UNC13C: variants seen among roughly 807,000 people sequenced by gnomAD.
The protein encoded by UNC13C is unc-13 homolog C, also known as protein unc-13 homolog C.
In UNC13C, 174 loss-of-function variants were observed where a neutral mutation model predicts 245.4. The observed-to-expected ratio is 0.71, with a 90% confidence interval of 0.63 to 0.80. The LOEUF (loss-of-function observed/expected upper bound fraction) is 0.80. Ranked by LOEUF, UNC13C falls within the 30% of genes least tolerant of loss-of-function variation. UNC13C has a pLI of 0.00. For missense variants in UNC13C, 2,829 were observed against 2,602.9 expected, an observed-to-expected ratio of 1.09 and a Z score of -1.89; for synonymous variants, 992 against 895.1, an observed-to-expected ratio of 1.11 and a Z score of -1.93.
chr15:53,952,067 G>T, the UNC13C span, among the ~76,000 whole-genome samples: 1 of 152,152 alleles, frequency 6.6e-6, no homozygotes, highest in African/African-American at 2.4e-5. Context: ...GAGGGTTTGG[G>T]CAATGCTGAG....
intron 13 of UNC13C, among the ~76,000 whole-genome samples, chr15:54,314,072 CAA>C (rs11316411): frequency 0.077 from 10,673 of 137,800 alleles, 833 homozygotes; most frequent in African/African-American, 0.21. Context: ...TATGTGGCAT[CAA>C]AAAAAAAAAA....
chr15:54,603,844 C>G (rs1899600120), intron 30 of UNC13C, among the ~76,000 whole-genome samples: 1 of 152,108 alleles, frequency 6.6e-6, no homozygotes, highest in Admixed American at 6.6e-5. Flanking sequence ...GTCTGGGAGA[C>G]AGAGGGAGAC....
Position 54,298,205 on chromosome 15 carries a change from G to A in UNC13C, c.4104+279G>A, listed in dbSNP as rs1467899783. Among the ~76,000 whole-genome samples, 5 of 152,240 alleles carry A rather than the reference G, an allele frequency of 3.3e-5. No individual in the cohort carries two copies. In the South Asian group the frequency reaches 8.3e-4, roughly 25 times the overall value. On this transcript the variant is annotated intron_variant, in intron 12 of 32. Transcript: ENST00000260323. ...CATAAGTAGATACAAAAAAATTAAT[G>A]TTCTTCCAAAGAGGAAGAAGAGTGT...
intron 4 of UNC13C, among the ~76,000 whole-genome samples, chr15:54,181,236 G>C (rs952784724): frequency 4.6e-5 from 7 of 151,924 alleles, no homozygotes; most frequent in Non-Finnish European, 8.8e-5. Context: ...AGTTATGCAA[G>C]TATCATTATT....
intron 13 of UNC13C, among the ~76,000 whole-genome samples, chr15:54,304,263 C>T (rs955247537): frequency 6.6e-6 from 1 of 152,056 alleles, no homozygotes; most frequent in Non-Finnish European, 1.5e-5. Flanking sequence ...GCCATAGATT[C>T]ACTGGTCTAA....
intron 4 of UNC13C, among the ~76,000 whole-genome samples, chr15:54,193,625 C>T (rs1449368560): frequency 6.6e-6 from 1 of 152,128 alleles, no homozygotes; most frequent in Non-Finnish European, 1.5e-5. Context: ...TTCTGTTTTA[C>T]TCTTTTCAAA....
At chr15:54,336,513 A>C (rs557442824) in intron 16 of UNC13C, among the ~76,000 whole-genome samples, 172 of 151,726 alleles carry the variant, frequency 1.1e-3, no homozygotes, top group Admixed American at 1.4e-3. Flanking sequence ...AATTATGGAT[A>C]ATGCTCTTGG....
At chr15:53,943,539 ATTTTG>A in the UNC13C span, among the ~76,000 whole-genome samples, 4 of 152,118 alleles carry the variant, frequency 2.6e-5, no homozygotes, top group East Asian at 7.7e-4. Flanking sequence ...AAGAACTGAT[ATTTTG>A]TTGTCTGTGA....
At chr15:54,372,632 T>C (rs1045035414) in intron 17 of UNC13C, among the ~76,000 whole-genome samples, 2 of 152,246 alleles carry the variant, frequency 1.3e-5, no homozygotes, top group African/African-American at 4.8e-5. Flanking sequence ...AAATATGTTT[T>C]TCCATGTTAT....
chr15:54,227,494 A>ACCTGCAGCT (rs2035421921), intron 4 of UNC13C, among the ~76,000 whole-genome samples: 3 of 151,930 alleles, frequency 2.0e-5, no homozygotes, highest in Admixed American at 1.3e-4. Flanking sequence ...CACCTGCAGC[A>ACCTGCAGCT]CCCCCTCCCT....
chr15:54,160,799 G>A (rs1425002348), intron 4 of UNC13C, among the ~76,000 whole-genome samples: 1 of 151,910 alleles, frequency 6.6e-6, no homozygotes, highest in Admixed American at 6.6e-5. Context: ...TTTACATGTT[G>A]GTCATTAGTA....
chr15:54,541,457 T>G lies in UNC13C; in HGVS notation c.5697-5265T>G, dbSNP rs148831523. Among the ~76,000 whole-genome samples, 9 of 152,170 alleles carry G rather than the reference T, an allele frequency of 5.9e-5. 1 individual carries two copies. The East Asian group carries it at 1.7e-3, about 29-fold the overall frequency. On this transcript the variant is annotated intron_variant, in intron 26 of 32. Coordinates refer to ENST00000260323, the MANE Select transcript of UNC13C (RefSeq NM_001080534.3). ...TCTCTGTGAAACAGGTTTAATTCAC[T>G]TAGAGACTCAAAGAGGCCAGGGTCA...
rs76714140 is a variant in UNC13C at position 54,582,590 on chromosome 15, G to C, written c.6106+14643G>C. Among the ~76,000 whole-genome samples the C allele has an allele frequency of 8.0e-3, 1,213 of 152,220 alleles. 18 individuals are homozygous for C. Among genetic ancestry groups the C allele is most frequent in the African/African-American group, 0.028 (1,158 of 41,528 alleles). The stretch of plus-strand genomic sequence containing the variant: ...CAGAATGAGGGTGAAGATGAGGGCA[G>C]AGTAAATATCAATGATATTTAAACA... On this transcript the variant is annotated intron_variant, in intron 30 of 32. Coordinates refer to ENST00000260323, the MANE Select transcript of UNC13C (RefSeq NM_001080534.3).
At chr15:54,078,355 G>C (rs1283223142) in intron 2 of UNC13C, among the ~76,000 whole-genome samples, 1 of 152,132 alleles carries the variant, frequency 6.6e-6, no homozygotes, top group Non-Finnish European at 1.5e-5. Context: ...TAGATACCTA[G>C]CATTAGGATT....
chr15:54,206,256 A>G (rs2034704373), intron 4 of UNC13C, among the ~76,000 whole-genome samples: 1 of 152,052 alleles, frequency 6.6e-6, no homozygotes, highest in Non-Finnish European at 1.5e-5. Flanking sequence ...CTAGTCACTT[A>G]CAACCCATTA....
intron 2 of UNC13C, among the ~76,000 whole-genome samples, chr15:54,121,847 G>T (rs984860005): frequency 4.0e-5 from 6 of 151,554 alleles, no homozygotes; most frequent in Non-Finnish European, 7.4e-5. Flanking sequence ...CTCTGTAAAG[G>T]TATTGCACTG....
chr15:54,606,490 T>A (rs1161425604), intron 30 of UNC13C, among the ~76,000 whole-genome samples: 8 of 152,296 alleles, frequency 5.3e-5, no homozygotes, highest in African/African-American at 1.9e-4. Context: ...TTAGTTAGCC[T>A]TAATTTTTAA....
chr15:54,394,905 A>G (rs2040038886), intron 18 of UNC13C, among the ~76,000 whole-genome samples: 1 of 151,962 alleles, frequency 6.6e-6, no homozygotes, highest in Non-Finnish European at 1.5e-5. Context: ...AAATACGTTT[A>G]TTTATGGCAA....
At chr15:54,017,770 C>G (rs1895726595) in intron 2 of UNC13C, among the ~76,000 whole-genome samples, 1 of 152,130 alleles carries the variant, frequency 6.6e-6, no homozygotes, top group South Asian at 2.1e-4. Context: ...CACACATGCT[C>G]TTGGTTATCT....
Sources: gnomAD v4.1 joint callset for allele counts (sites outside exome capture counted in the v4.1 genomes callset) on GRCh38, gnomAD v4.1.1 for gene constraint, MANE v1.5 for transcripts, NCBI Gene and HGNC (gene_info 2026-07-23, HGNC 2026-07-21) for gene names.